NADK2: variants seen among roughly 807,000 people sequenced by gnomAD.
The protein encoded by NADK2 is NAD kinase 2, mitochondrial.
NADK2 carries 35 observed loss-of-function variants against 62.1 expected under a neutral mutation model. The ratio of observed to expected loss-of-function variants is 0.56; its 90% CI spans 0.43 to 0.75. The LOEUF is 0.75. Among genes scored for constraint, NADK2 ranks in the 30% least tolerant of loss-of-function variants. The pLI, the probability that NADK2 is intolerant of heterozygous loss-of-function variation, is 0.00. For missense variants in NADK2, 439 were observed against 561.3 expected (o/e 0.78, Z 2.20); for synonymous variants, 205 against 207.9 (o/e 0.99, Z 0.12).
At chr5:36,227,318 T>C (rs1287693875) in intron 2 of NADK2, among the ~76,000 whole-genome samples, 159 bp downstream of exon 2, 2 of 152,306 alleles carry the variant, frequency 1.3e-5, no homozygotes, top group African/African-American at 4.8e-5. Flanking sequence ...TCTTTAAAGA[T>C]GCTATAAAAT....
At chr5:36,217,306 A>C (rs1461613767) in intron 6 of NADK2, among the ~76,000 whole-genome samples, 1 of 152,184 alleles carries the variant, frequency 6.6e-6, no homozygotes, top group African/African-American at 2.4e-5. Flanking sequence ...AATATTCTCT[A>C]AGCTACACAA....
At chr5:36,236,478 C>G (rs1297905149) in intron 1 of NADK2, among the ~76,000 whole-genome samples, 3 of 152,130 alleles carry the variant, frequency 2.0e-5, no homozygotes, top group African/African-American at 7.2e-5. Flanking sequence ...TAACCCGAAA[C>G]CTCTATCAAA....
chr5:36,198,244 C>CA (rs1292753733), intron 10 of NADK2, among the ~76,000 whole-genome samples: 1 of 151,864 alleles, frequency 6.6e-6, no homozygotes, highest in Admixed American at 6.6e-5. Context: ...GAGAAAACTA[C>CA]AAAGATATCA....
intron 1 of NADK2, among the ~76,000 whole-genome samples, chr5:36,238,803 A>G (rs556471355): frequency 6.6e-6 from 1 of 152,342 alleles, no homozygotes; most frequent in South Asian, 2.1e-4. Flanking sequence ...AAAAGACAAG[A>G]TTTTAAAATA....
intron 7 of NADK2, among the ~76,000 whole-genome samples, chr5:36,210,037 A>G (rs1198517796): frequency 6.6e-6 from 1 of 152,164 alleles, no homozygotes; most frequent in Non-Finnish European, 1.5e-5. Flanking sequence ...TAAAGTTCTT[A>G]TGAAAGGATA....
intron 3 of NADK2, 88 bp from the exon 4 acceptor site, chr5:36,225,711 C>T: frequency 1.8e-6 from 2 of 1,109,984 alleles, no homozygotes; most frequent in South Asian, 2.6e-5. Context: ...GTAGTTTTAA[C>T]AATCATACCC....
chr5:36,205,411 A>C lies in NADK2; in HGVS notation c.956+1759T>G, dbSNP rs577455321. On this transcript the variant is annotated intron_variant, in intron 8 of 11. Transcript: ENST00000381937. This position sits in a 1 kb window ranked among gnomAD's most constrained non-coding sequence, Gnocchi z 4.1. Reference sequence around the variant, plus strand: ...GGAAGAAGTTGCATTGAGCAAAAATAAAAAGCCAAGCGAGAACAAAAAGTG... The same window carrying C: ...GGAAGAAGTTGCATTGAGCAAAAATCAAAAGCCAAGCGAGAACAAAAAGTG... Among the ~76,000 whole-genome samples, 4 of 152,210 alleles carry C rather than the reference A, an allele frequency of 2.6e-5. No individual in the cohort carries two copies. In the South Asian group the frequency reaches 8.3e-4, roughly 32 times the overall value.
chr5:36,195,604 G>A lies in NADK2; in HGVS notation c.1191-322C>T, dbSNP rs555220844. On this transcript the variant is annotated intron_variant, in intron 11 of 11. Coordinates refer to ENST00000381937, the MANE Select transcript of NADK2 (RefSeq NM_001085411.3). ...GAATAAGAGTGTTAACTATTTTCAT[G>A]TAAAATTTGTACTTAAAATTTTTAC... Among the ~76,000 whole-genome samples, 8 of 152,278 alleles carry A rather than the reference G, an allele frequency of 5.3e-5. No homozygotes were observed. In the South Asian group the frequency reaches 1.7e-3, roughly 32 times the overall value.
intron 6 of NADK2, among the ~76,000 whole-genome samples, chr5:36,217,166 A>C (rs1010828741): frequency 2.0e-5 from 3 of 152,180 alleles, no homozygotes; most frequent in Non-Finnish European, 4.4e-5. Flanking sequence ...CAAATATTTA[A>C]GATTTCTCTT....
intron 8 of NADK2, among the ~76,000 whole-genome samples, chr5:36,202,047 C>T (rs1214134979): frequency 6.6e-6 from 1 of 151,926 alleles, no homozygotes; most frequent in Non-Finnish European, 1.5e-5. Flanking sequence ...ACATATGAGT[C>T]AACGCAATTC....
intron 9 of NADK2, 48 bp from the exon 10 acceptor site, chr5:36,200,328 C>T (rs770619203): frequency 3.4e-6 from 4 of 1,160,536 alleles, no homozygotes; most frequent in East Asian, 3.0e-5. Context: ...ATATATATAT[C>T]TTATATATAT....
chr5:36,224,746 T>A (rs928291582), intron 4 of NADK2, among the ~76,000 whole-genome samples: 4 of 151,896 alleles, frequency 2.6e-5, no homozygotes, highest in African/African-American at 9.7e-5. Flanking sequence ...TTAATTAGGA[T>A]TGTAGAGATA....
In NADK2 at chr5:36,217,861, C is replaced by G. The variant is rs1747107721; in HGVS notation, c.668G>C (p.Arg223Thr). The stretch of plus-strand genomic sequence containing the variant: ...TATGCCAGTCCCTTCAAGGTATAAC[C>G]TGATTCTCTGCCTCCACAACCACCT... ...EFRWLWRQRIRLYLEGTGINP... is the reference protein window; with the variant it reads ...EFRWLWRQRITLYLEGTGINP... Residue 223 changes from arginine to threonine, a missense_variant, in exon 6 of 12, where the codon AGG (arginine) becomes ACG (threonine). By Grantham distance (71) the Arg-to-Thr change is moderately conservative. Coordinates refer to ENST00000381937, the MANE Select transcript of NADK2 (RefSeq NM_001085411.3). The G allele has an allele frequency of 6.2e-7, 1 of 1,613,336 alleles. No homozygotes were observed. The highest frequency in any genetic ancestry group is 8.5e-7 in the Non-Finnish European group (1 of 1,179,542).
intron 6 of NADK2, 57 bp from the exon 7 acceptor site, chr5:36,211,979 T>G: frequency 7.5e-7 from 1 of 1,332,220 alleles, no homozygotes; most frequent in Non-Finnish European, 1.1e-6. Context: ...TCTAGAAATG[T>G]TATAAAAATT....
chr5:36,199,063 T>A (rs6870255), intron 10 of NADK2, among the ~76,000 whole-genome samples: 135,425 of 148,316 alleles, frequency 0.91, 62,020 homozygotes, highest in Non-Finnish European at 0.97. Flanking sequence ...GGGTAGGGGG[T>A]GGGGGGAGGA....
chr5:36,198,155 T>G (rs1746303319), intron 10 of NADK2, among the ~76,000 whole-genome samples: 1 of 151,944 alleles, frequency 6.6e-6, no homozygotes, highest in Non-Finnish European at 1.5e-5. Flanking sequence ...ACTCAACATA[T>G]TTTCTAGAAA....
In NADK2 at chr5:36,197,524, A is replaced by G; in HGVS notation, c.1190+17T>C. ...AAAGGGATGAAAACAGTCAGAAGTC[A>G]GATTGAGGATGCTTACTTTGAGGAG... is the stretch of plus-strand genomic sequence containing the variant. On this transcript the variant is annotated intron_variant, in intron 11 of 11. Coordinates refer to ENST00000381937, the MANE Select transcript of NADK2 (RefSeq NM_001085411.3). 6.2e-7 allele frequency: 1 copy of G among 1,612,114 alleles called. No individual in the cohort carries two copies.
At chr5:36,196,772 G>A (rs898565127) in intron 11 of NADK2, among the ~76,000 whole-genome samples, 177 of 152,090 alleles carry the variant, frequency 1.2e-3, no homozygotes, top group African/African-American at 3.9e-3. Context: ...AGTCTTTGTC[G>A]TCTCACCCAA....
chr5:36,233,795 T>TTTGG (rs2112192605), intron 1 of NADK2, among the ~76,000 whole-genome samples: 1 of 152,310 alleles, frequency 6.6e-6, no homozygotes, highest in Non-Finnish European at 1.5e-5. Flanking sequence ...TTTGAGTTCT[T>TTTGG]TTGGTTGGCT....
Sources: gnomAD v4.1 joint callset for allele counts (sites outside exome capture counted in the v4.1 genomes callset) on GRCh38, gnomAD v4.1.1 for gene constraint, Gnocchi (gnomAD v3.1) non-coding constraint, MANE v1.5 for transcripts, NCBI Gene and HGNC (gene_info 2026-07-23, HGNC 2026-07-21) for gene names.